The following KDM4C variants were observed in gnomAD, a reference collection of about 807,000 sequenced individuals.
The protein encoded by KDM4C is lysine demethylase 4C.
KDM4C carries 81 observed loss-of-function variants against 129.3 expected under a neutral mutation model. The observed-to-expected ratio is 0.63, with a 90% CI of 0.52 to 0.75. The LOEUF (loss-of-function observed/expected upper bound fraction) is 0.75. KDM4C is among the 30% of genes least tolerant of loss of function. KDM4C has a pLI of 0.00. For synonymous variants in KDM4C, 573 were observed against 456.1 expected (o/e 1.26, Z -3.26); for missense variants, 1,457 against 1,304.0 (o/e 1.12, Z -1.81).
chr9:7,013,344 A>G (rs1823041662), intron 13 of KDM4C, among the ~76,000 whole-genome samples: 1 of 152,182 alleles, frequency 6.6e-6, no homozygotes. Flanking sequence ...CAAATACTGC[A>G]AGTGATGAGG....
At chr9:6,843,329 C>A (rs1452253414) in intron 4 of KDM4C, among the ~76,000 whole-genome samples, 1 of 152,186 alleles carries the variant, frequency 6.6e-6, no homozygotes, top group Non-Finnish European at 1.5e-5. Flanking sequence ...TGGTCTGAAC[C>A]CTCTCCCCAT....
At chr9:6,898,891 A>G (rs1249007375) in intron 8 of KDM4C, among the ~76,000 whole-genome samples, 1 of 152,202 alleles carries the variant, frequency 6.6e-6, no homozygotes, top group Admixed American at 6.5e-5. Flanking sequence ...TTTGATCACA[A>G]AATACTAGTA....
chr9:7,122,265 A>ACACACACACTCTCT (rs375655422), intron 18 of KDM4C, among the ~76,000 whole-genome samples: 3 of 144,822 alleles, frequency 2.1e-5, no homozygotes, highest in African/African-American at 5.2e-5. Flanking sequence ...ACACACACAC[A>ACACACACACTCTCT]CTCTCTCTCT....
chr9:7,015,470 C>T (rs886598214), intron 14 of KDM4C, among the ~76,000 whole-genome samples: 1 of 152,000 alleles, frequency 6.6e-6, no homozygotes, highest in African/African-American at 2.4e-5. Flanking sequence ...GGTAGTTAGA[C>T]TTAATTTTTG....
intron 21 of KDM4C, chr9:7,170,431 G>A (rs1204406601): frequency 5.1e-6 from 5 of 987,848 alleles, no homozygotes; most frequent in Non-Finnish European, 6.0e-6. Flanking sequence ...CTAGTTGTGG[G>A]AATACTAAAG....
intron 12 of KDM4C, among the ~76,000 whole-genome samples, chr9:7,002,363 A>T (rs569713627): frequency 4.1e-4 from 62 of 152,338 alleles, no homozygotes; most frequent in African/African-American, 1.4e-3. Context: ...ATGGGGTACA[A>T]AATGGTGTTA....
intron 6 of KDM4C, among the ~76,000 whole-genome samples, chr9:6,882,597 G>A (rs1356266371): frequency 2.0e-5 from 3 of 152,144 alleles, no homozygotes; most frequent in African/African-American, 7.2e-5. Flanking sequence ...TGAACAATTA[G>A]GAGGAAACTT....
intron 8 of KDM4C, among the ~76,000 whole-genome samples, chr9:6,970,195 C>T (rs1005230975): frequency 2.0e-5 from 3 of 152,226 alleles, no homozygotes; most frequent in African/African-American, 7.2e-5. Flanking sequence ...TCAGCCACAT[C>T]AGTTCCAGTA....
chr9:6,809,939 G>C (rs1351635989), intron 3 of KDM4C, among the ~76,000 whole-genome samples: 1 of 152,050 alleles, frequency 6.6e-6, no homozygotes, highest in Non-Finnish European at 1.5e-5. Context: ...ACCGTGAGTC[G>C]TGATTGCACC....
intron 11 of KDM4C, among the ~76,000 whole-genome samples, chr9:6,989,091 T>C (rs976705361): frequency 6.6e-6 from 1 of 152,260 alleles, no homozygotes; most frequent in African/African-American, 2.4e-5. Context: ...TGTGTTGATA[T>C]GTCTTCTTGG....
intron 15 of KDM4C, among the ~76,000 whole-genome samples, chr9:7,022,906 A>T (rs955632536): frequency 6.6e-6 from 1 of 152,156 alleles, no homozygotes; most frequent in Non-Finnish European, 1.5e-5. Context: ...TGCAGTGATC[A>T]TACGGTTTTT....
rs200538499 is a variant in KDM4C at position 7,046,929 on chromosome 9, A to G, written c.2315+12A>G. ...ACGAAGAACAATAAGTAAGTAATACATTAATTGTGTTGAATTTCATTATTT... is the reference window on the plus strand; with the variant it reads ...ACGAAGAACAATAAGTAAGTAATACGTTAATTGTGTTGAATTTCATTATTT... On this transcript the variant is annotated intron_variant, in intron 16 of 21. Transcript: ENST00000381309. 2.0e-6 allele frequency: 3 copies of G among 1,531,254 alleles called. No individual in the cohort carries two copies. The allele number at this position is 1,531,254 out of a possible 1,614,324, so 94.9% of individuals were successfully genotyped here. A position where few individuals can be genotyped will look rare whatever the true frequency, so the allele number is the denominator to read the frequency against.
intron 2 of KDM4C, among the ~76,000 whole-genome samples, chr9:6,799,223 G>A (rs147746764): frequency 0.071 from 10,725 of 152,096 alleles, 551 homozygotes; most frequent in Non-Finnish European, 0.11. Context: ...CGGCTGGGAG[G>A]TGGAGGTTGT....
intron 1 of KDM4C, among the ~76,000 whole-genome samples, chr9:6,725,711 C>CTTTTT (rs201307657): frequency 3.5e-4 from 30 of 86,424 alleles, no homozygotes; most frequent in Non-Finnish European, 5.3e-4. Flanking sequence ...CTTTTCTTTT[C>CTTTTT]TTTTTTTTTT....
At chr9:6,979,902 G>T (rs1265441617) in intron 8 of KDM4C, among the ~76,000 whole-genome samples, 1 of 152,218 alleles carries the variant, frequency 6.6e-6, no homozygotes, top group Non-Finnish European at 1.5e-5. Context: ...GGTAGCGACA[G>T]AGTGTGGTTT....
chr9:6,981,176 G>T (rs1262045473), intron 9 of KDM4C, 58 bp downstream of exon 9: 4 of 1,405,722 alleles, frequency 2.8e-6, no homozygotes, highest in East Asian at 2.4e-5. Context: ...CAGTTAAAAT[G>T]GGTCATTGGA....
chr9:7,118,250 A>T (rs977349498), intron 18 of KDM4C, among the ~76,000 whole-genome samples: 41 of 152,214 alleles, frequency 2.7e-4, no homozygotes, highest in African/African-American at 9.6e-4. Flanking sequence ...GTTTGTAATT[A>T]AAAACCCATG....
chr9:6,929,135 A>C (rs1482819234), intron 8 of KDM4C, among the ~76,000 whole-genome samples: 1 of 152,190 alleles, frequency 6.6e-6, no homozygotes, highest in Admixed American at 6.5e-5. Context: ...GCTAGAAGTA[A>C]TCTCTCTCTA....
At chr9:7,003,895 C>T (rs1821180602) in intron 12 of KDM4C, among the ~76,000 whole-genome samples, 1 of 152,128 alleles carries the variant, frequency 6.6e-6, no homozygotes, top group Non-Finnish European at 1.5e-5. Context: ...CTCACTTCTG[C>T]ACTTATCCCA....
Sources: allele counts gnomAD v4.1 joint callset (sites outside exome capture counted in the v4.1 genomes callset), GRCh38; gene constraint gnomAD v4.1.1; transcripts MANE v1.5; gene names NCBI Gene and HGNC (gene_info 2026-07-23, HGNC 2026-07-21).